The following IPCEF1 variants were observed in gnomAD, a reference collection of about 807,000 sequenced individuals.
IPCEF1 encodes interaction protein for cytohesin exchange factors 1.
Under a neutral mutation model 50.9 loss-of-function variants are expected in IPCEF1, and 31 were observed. That is an observed-to-expected ratio of 0.61 (90% CI 0.46 to 0.82). The LOEUF (loss-of-function observed/expected upper bound fraction) is 0.82. Ranked by LOEUF, IPCEF1 falls within the 40% of genes least tolerant of loss-of-function variation. The pLI is 0.00. For missense variants in IPCEF1, 458 were observed against 514.0 expected, an observed-to-expected ratio of 0.89 and a Z score of 1.05; for synonymous variants, 181 against 192.0, an observed-to-expected ratio of 0.94 and a Z score of 0.47.
chr6:154,253,907 A>AT (rs1320602951), intron 3 of IPCEF1, among the ~76,000 whole-genome samples: 3 of 151,616 alleles, frequency 2.0e-5, no homozygotes, highest in East Asian at 1.9e-4. Flanking sequence ...AATTACTGTT[A>AT]TTTTTTTTCC....
rs954318466 is a variant in IPCEF1 at position 154,252,281 on chromosome 6, T to C, written c.37-4793A>G. Among the ~76,000 whole-genome samples the C allele has an allele frequency of 7.2e-5, 11 of 151,932 alleles. No individual in the cohort carries two copies. The East Asian group carries it at 1.9e-3, about 27-fold the overall frequency. ...GTGCCATTAACAGCCAAAGAAAAAG[T>C]AAAGAGAGGCAGGAGAGAAGGTTGT... On this transcript the variant is annotated intron_variant, in intron 3 of 11. Transcript: ENST00000367220.
chr6:154,188,421 T>C (rs1801574606), intron 10 of IPCEF1, among the ~76,000 whole-genome samples: 1 of 152,220 alleles, frequency 6.6e-6, no homozygotes, highest in Non-Finnish European at 1.5e-5. Context: ...CATAACGATT[T>C]CTGTTTCCCC....
At chr6:154,316,874 A>T (rs1002130199) in intron 1 of IPCEF1, among the ~76,000 whole-genome samples, 13 of 152,234 alleles carry the variant, frequency 8.5e-5, no homozygotes, top group Non-Finnish European at 1.9e-4. Context: ...GTAAGTAGAT[A>T]CAATTTTCTC....
chr6:154,254,205 C>T (rs1781405536), intron 3 of IPCEF1, among the ~76,000 whole-genome samples: 1 of 152,050 alleles, frequency 6.6e-6, no homozygotes, highest in South Asian at 2.1e-4. Flanking sequence ...TGTGACATTA[C>T]ATAATCAAAT....
intron 10 of IPCEF1, among the ~76,000 whole-genome samples, chr6:154,191,084 A>G (rs1288959650): frequency 2.6e-5 from 4 of 152,130 alleles, no homozygotes; most frequent in African/African-American, 7.2e-5. Context: ...CTATCAAGCT[A>G]CAAAAGACTT....
chr6:154,280,621 G>A (rs1547588), intron 2 of IPCEF1, among the ~76,000 whole-genome samples: 101,271 of 152,088 alleles, frequency 0.67, 35,262 homozygotes, highest in African/African-American at 0.87. Flanking sequence ...AGCAGCCAAA[G>A]CTAGATCATA....
At chr6:154,185,528 C>T (rs1053730948) in intron 10 of IPCEF1, among the ~76,000 whole-genome samples, 7 of 152,094 alleles carry the variant, frequency 4.6e-5, no homozygotes, top group African/African-American at 1.7e-4. Context: ...ATAATACATG[C>T]TATGTAAATA....
At chr6:154,318,292 G>A (rs1159581290) in intron 1 of IPCEF1, among the ~76,000 whole-genome samples, 1 of 152,144 alleles carries the variant, frequency 6.6e-6, no homozygotes, top group East Asian at 1.9e-4. Flanking sequence ...AACTCATGGA[G>A]CTGCAGCACT....
At chr6:154,186,548 T>C (rs1801366940) in intron 10 of IPCEF1, among the ~76,000 whole-genome samples, 1 of 151,284 alleles carries the variant, frequency 6.6e-6, no homozygotes, top group Admixed American at 6.6e-5. Context: ...AGCAGCTCCT[T>C]TCTTTCTTTT....
At chr6:154,220,095 G>A (rs986421522) in intron 7 of IPCEF1, among the ~76,000 whole-genome samples, 1 of 151,910 alleles carries the variant, frequency 6.6e-6, no homozygotes, top group Non-Finnish European at 1.5e-5. Flanking sequence ...AGAGAGCAAT[G>A]AGAACTACAT....
At chr6:154,231,701 T>A (rs1407900349) in intron 5 of IPCEF1, among the ~76,000 whole-genome samples, 1 of 151,938 alleles carries the variant, frequency 6.6e-6, no homozygotes, top group Non-Finnish European at 1.5e-5. Flanking sequence ...AAAAGAAACA[T>A]GGGAAAATAA....
intron 10 of IPCEF1, among the ~76,000 whole-genome samples, chr6:154,190,485 G>A (rs1218129867): frequency 6.6e-6 from 1 of 152,238 alleles, no homozygotes; most frequent in Non-Finnish European, 1.5e-5. Context: ...CTAGCATGGC[G>A]AAAATCCAAA....
intron 10 of IPCEF1, among the ~76,000 whole-genome samples, chr6:154,186,595 C>A (rs992392982): frequency 6.6e-6 from 1 of 151,496 alleles, no homozygotes; most frequent in Non-Finnish European, 1.5e-5. Flanking sequence ...CTCGCTTTGT[C>A]GCCCAGGCTG....
intron 2 of IPCEF1, among the ~76,000 whole-genome samples, chr6:154,268,045 T>G (rs1781802701): frequency 6.6e-6 from 1 of 152,220 alleles, no homozygotes; most frequent in African/African-American, 2.4e-5. Flanking sequence ...GTCCCCAGTC[T>G]TCAGGCCCTC....
intron 10 of IPCEF1, among the ~76,000 whole-genome samples, chr6:154,177,388 A>G (rs951347667): frequency 4.0e-4 from 61 of 151,632 alleles, no homozygotes; most frequent in African/African-American, 1.4e-3. Context: ...CAATCTATCC[A>G]TCTGACAAAG....
intron 1 of IPCEF1, among the ~76,000 whole-genome samples, chr6:154,328,258 G>A (rs1783570600): frequency 6.6e-6 from 1 of 152,284 alleles, no homozygotes. Context: ...TAAAGAACAA[G>A]TCAAACTAAA....
At chr6:154,179,715 T>A (rs1172190835) in intron 10 of IPCEF1, among the ~76,000 whole-genome samples, 2 of 152,168 alleles carry the variant, frequency 1.3e-5, no homozygotes, top group African/African-American at 2.4e-5. Flanking sequence ...ATTTTATGGA[T>A]GAGAAAAATA....
chr6:154,224,061 G>A lies in IPCEF1; in HGVS notation c.247-818C>T, dbSNP rs753511480. On this transcript the variant is annotated intron_variant, in intron 5 of 11. Transcript: ENST00000367220. ...GAGCCACAACAAAGCTAGATTGTTCGTCACCCATAGAACTCAAATCTTCTT... is the reference window on the plus strand; with the variant it reads ...GAGCCACAACAAAGCTAGATTGTTCATCACCCATAGAACTCAAATCTTCTT... Among the ~76,000 whole-genome samples, 9 of 152,274 alleles carry A rather than the reference G, an allele frequency of 5.9e-5. No individual in the cohort carries two copies. In the East Asian group the frequency reaches 9.6e-4, roughly 16 times the overall value.
chr6:154,317,046 C>A (rs990764750), intron 1 of IPCEF1, among the ~76,000 whole-genome samples: 5 of 151,962 alleles, frequency 3.3e-5, no homozygotes, highest in African/African-American at 4.8e-5. Context: ...TTTTTGTGAT[C>A]TTGGGGTAGG....
Sources: gnomAD v4.1 joint callset for allele counts (sites outside exome capture counted in the v4.1 genomes callset) on GRCh38, gnomAD v4.1.1 for gene constraint, MANE v1.5 for transcripts, NCBI Gene and HGNC (gene_info 2026-07-23, HGNC 2026-07-21) for gene names.